The following PCDHGB6 variants were observed in gnomAD, a reference collection of about 807,000 sequenced individuals.
PCDHGB6 encodes the protein protocadherin gamma-B6.
Under a neutral mutation model 59.1 loss-of-function variants are expected in PCDHGB6, and 51 were observed. The ratio of observed to expected loss-of-function variants is 0.86; its 90% CI spans 0.69 to 1.09. The LOEUF (loss-of-function observed/expected upper bound fraction) is 1.09, where lower values mean the gene tolerates loss of function less well. Ranked by LOEUF, PCDHGB6 falls within the 50% of genes least tolerant of loss-of-function variation. The pLI, the probability that PCDHGB6 is intolerant of heterozygous loss-of-function variation, is 0.00. For synonymous variants in PCDHGB6, 466 were observed against 495.1 expected (o/e 0.94, Z 0.78); for missense variants, 1,148 against 1,205.1 (o/e 0.95, Z 0.70).
chr5:141,493,340 T>C lies in PCDHGB6; in HGVS notation c.2419-1467T>C, dbSNP rs889623993. Among the ~76,000 whole-genome samples, 1 of 152,202 alleles carries C rather than the reference T, an allele frequency of 6.6e-6. No homozygotes were observed. Among genetic ancestry groups the C allele is most frequent in the Admixed American group, 6.5e-5 (1 of 15,288 alleles). Reference sequence around the variant, plus strand: ...TTCTAACCCCTGTCTAACTCCAGAATGTGTGCTTTTAATTTCTTGGCACTT... The same window carrying C: ...TTCTAACCCCTGTCTAACTCCAGAACGTGTGCTTTTAATTTCTTGGCACTT... On this transcript the variant is annotated intron_variant, in intron 1 of 3. Coordinates refer to ENST00000520790, the MANE Select transcript of PCDHGB6 (RefSeq NM_018926.3). The surrounding 1 kb of genome is among the most constrained non-coding windows in gnomAD (Gnocchi z 4.3).
Position 141,431,420 on chromosome 5 carries a change from G to C in PCDHGB6, c.2418+20800G>C, listed in dbSNP as rs780266425. The C allele has an allele frequency of 8.1e-6, 13 of 1,613,592 alleles. No individual in the cohort carries two copies. Among genetic ancestry groups the C allele is most frequent in the East Asian group, 2.2e-5 (1 of 44,902 alleles). ...TACGGCCTCCGACGGGGGCGACCCG[G>C]TGCGCACAGGCACCGCGCGCATCCG... is the stretch of plus-strand genomic sequence containing the variant. On this transcript the variant is annotated intron_variant, in intron 1 of 3. Transcript: ENST00000520790. This position sits in a 1 kb window ranked among gnomAD's most constrained non-coding sequence, Gnocchi z 4.8.
At chr5:141,483,293 G>T (rs532959899) in intron 1 of PCDHGB6, among the ~76,000 whole-genome samples, 1 of 152,264 alleles carries the variant, frequency 6.6e-6, no homozygotes, top group Non-Finnish European at 1.5e-5. Flanking sequence ...TCAGTCATAA[G>T]TGAAGGGACT....
chr5:141,490,990 C>A lies in PCDHGB6; in HGVS notation c.2419-3817C>A, dbSNP rs1230384508. On this transcript the variant is annotated intron_variant, in intron 1 of 3. Transcript: ENST00000520790. The surrounding 1 kb of genome is among the most constrained non-coding windows in gnomAD (Gnocchi z 5.4). ...CCCCCAGCGTCTCCCTCGCTCTGCTCCTCCTGGCTCCTTGGTCACCAAGGT... is the reference window on the plus strand; with the variant it reads ...CCCCCAGCGTCTCCCTCGCTCTGCTACTCCTGGCTCCTTGGTCACCAAGGT... The A allele has an allele frequency of 6.2e-7, 1 of 1,614,102 alleles. No homozygotes were observed. The highest frequency in any genetic ancestry group is 8.5e-7 in the Non-Finnish European group (1 of 1,180,022).
At chr5:141,454,824 T>C (rs1231148585) in intron 1 of PCDHGB6, among the ~76,000 whole-genome samples, 1 of 127,218 alleles carries the variant, frequency 7.9e-6, no homozygotes, top group African/African-American at 3.3e-5. Flanking sequence ...TTTTTTTTTT[T>C]TGAGACAGAG....
chr5:141,474,551 C>G (rs1032524620), intron 1 of PCDHGB6, among the ~76,000 whole-genome samples: 35 of 152,312 alleles, frequency 2.3e-4, no homozygotes, highest in Non-Finnish European at 3.5e-4. Flanking sequence ...GCATTTAAAA[C>G]TGGGGGTTTT....
chr5:141,432,715 C>T lies in PCDHGB6; in HGVS notation c.2418+22095C>T. 1 of 1,613,996 alleles carries T rather than the reference C, an allele frequency of 6.2e-7. No individual in the cohort carries two copies. The highest frequency in any genetic ancestry group is 8.5e-7 in the Non-Finnish European group (1 of 1,179,970). ...TGGCCGTCCAGGACCACGGCCAGCC[C>T]CCTCTCTCCGCCACTGTCACGCTCA... On this transcript the variant is annotated intron_variant, in intron 1 of 3. Transcript: ENST00000520790. This position sits in a 1 kb window ranked among gnomAD's most constrained non-coding sequence, Gnocchi z 6.0.
intron 1 of PCDHGB6, among the ~76,000 whole-genome samples, chr5:141,483,889 CT>C (rs1298469461): frequency 6.6e-6 from 1 of 151,866 alleles, no homozygotes; most frequent in Admixed American, 6.6e-5. Flanking sequence ...TTCTATTTCT[CT>C]GAGCTCTGGT....
chr5:141,439,676 G>A (rs543598257), intron 1 of PCDHGB6, among the ~76,000 whole-genome samples: 27 of 152,292 alleles, frequency 1.8e-4, no homozygotes, highest in Admixed American at 1.0e-3. Flanking sequence ...GCAAATCCAA[G>A]AGCAGACCCA....
intron 1 of PCDHGB6, among the ~76,000 whole-genome samples, chr5:141,460,983 G>GTA (rs59296681): frequency 9.4e-4 from 130 of 137,840 alleles, no homozygotes; most frequent in Middle Eastern, 3.8e-3. Context: ...GTGTGTGTGT[G>GTA]TATATATATA....
intron 1 of PCDHGB6, chr5:141,422,104 T>C: frequency 6.2e-7 from 1 of 1,607,960 alleles, no homozygotes; most frequent in Non-Finnish European, 8.5e-7. Context: ...TTCTGAAATA[T>C]TCCAATTGGA....
In PCDHGB6 at chr5:141,422,662, G is replaced by A. The variant is rs771844166; in HGVS notation, c.2418+12042G>A. On this transcript the variant is annotated intron_variant, in intron 1 of 3. Transcript: ENST00000520790. Reference sequence around the variant, plus strand: ...CTCCATCTTCTCAGTGACCGCCCTCGACCCGGACAGCAAACAGAATGCCCT... The same window carrying A: ...CTCCATCTTCTCAGTGACCGCCCTCAACCCGGACAGCAAACAGAATGCCCT... 4 of 1,608,410 alleles carry A rather than the reference G, an allele frequency of 2.5e-6. No individual in the cohort carries two copies. In the South Asian group the frequency reaches 3.3e-5, roughly 13 times the overall value.
chr5:141,500,883 T>G (rs1250275850), intron 2 of PCDHGB6, among the ~76,000 whole-genome samples: 2 of 97,532 alleles, frequency 2.1e-5, no homozygotes, highest in African/African-American at 1.2e-4. Context: ...TACAATTTTT[T>G]TTTTTTGAGA....
At chr5:141,443,952 A>T (rs1355073040) in intron 1 of PCDHGB6, among the ~76,000 whole-genome samples, 4 of 152,134 alleles carry the variant, frequency 2.6e-5, no homozygotes, top group Non-Finnish European at 4.4e-5. Context: ...CCTTATTGGT[A>T]TGTATTCTGT....
chr5:141,427,766 G>A lies in PCDHGB6; in HGVS notation c.2418+17146G>A, dbSNP rs549550151. The A allele has an allele frequency of 1.1e-4, 152 of 1,386,456 alleles. No homozygotes were observed. In the African/African-American group the frequency reaches 1.8e-3, roughly 17 times the overall value. The allele number at this position is 1,386,456 out of a possible 1,614,324, so 85.9% of individuals were successfully genotyped here. ...CCTACTCCATCGTTACCACTGACTT[G>A]GAGCTGCGGGCACTGTCGTCCTACG... On this transcript the variant is annotated intron_variant, in intron 1 of 3. Transcript: ENST00000520790.
chr5:141,421,457 C>T (rs377073702), intron 1 of PCDHGB6: 9 of 1,614,014 alleles, frequency 5.6e-6, no homozygotes, highest in African/African-American at 2.7e-5. Flanking sequence ...CAGCTTTTCG[C>T]TGTGAATCCG....
At chr5:141,457,929 C>T (rs1207409757) in intron 1 of PCDHGB6, among the ~76,000 whole-genome samples, 2 of 152,194 alleles carry the variant, frequency 1.3e-5, no homozygotes, top group Non-Finnish European at 2.9e-5. Context: ...CCCCAAGGGG[C>T]TTTTATTGGC....
At chr5:141,461,740 G>T (rs770518286) in intron 1 of PCDHGB6, among the ~76,000 whole-genome samples, 1 of 152,072 alleles carries the variant, frequency 6.6e-6, no homozygotes, top group African/African-American at 2.4e-5. Context: ...GCACAATCCC[G>T]GCTCCCAGAT....
chr5:141,484,988 G>A (rs1187402042), intron 1 of PCDHGB6: 2 of 604,830 alleles, frequency 3.3e-6, no homozygotes, highest in Admixed American at 3.0e-5. Context: ...CAATCGGGTG[G>A]TGAAAGGCAG....
chr5:141,475,679 T>A (rs967189869), intron 1 of PCDHGB6, among the ~76,000 whole-genome samples: 2 of 152,236 alleles, frequency 1.3e-5, no homozygotes, highest in African/African-American at 4.8e-5. Flanking sequence ...GAGTCTTGAT[T>A]TGGATTGGAG....
Sources: gnomAD v4.1 joint callset for allele counts (sites outside exome capture counted in the v4.1 genomes callset) on GRCh38, gnomAD v4.1.1 for gene constraint, Gnocchi (gnomAD v3.1) non-coding constraint, MANE v1.5 for transcripts, NCBI Gene and HGNC (gene_info 2026-07-23, HGNC 2026-07-21) for gene names.